DGKB: variants seen among roughly 807,000 people sequenced by gnomAD.
The protein encoded by DGKB is diacylglycerol kinase beta.
A neutral mutation model predicts 114.3 loss-of-function variants in DGKB; 67 were observed. The observed-to-expected ratio is 0.59, with a 90% CI of 0.48 to 0.72. The LOEUF (loss-of-function observed/expected upper bound fraction) is 0.72. Among genes scored for constraint, DGKB ranks in the 30% least tolerant of loss-of-function variants. The probability of loss-of-function intolerance (pLI) is 0.00; values close to 1 mark genes in which losing one functional copy is unlikely to be tolerated. For synonymous variants in DGKB, 398 were observed against 323.1 expected (o/e 1.23, Z -2.49); for missense variants, 907 against 975.2 (o/e 0.93, Z 0.93).
At chr7:14,225,543 A>G (rs1790661377) in intron 23 of DGKB, among the ~76,000 whole-genome samples, 1 of 152,054 alleles carries the variant, frequency 6.6e-6, no homozygotes, top group Non-Finnish European at 1.5e-5. Flanking sequence ...TAAAAAATCT[A>G]GCTACTTGTA....
intron 20 of DGKB, among the ~76,000 whole-genome samples, chr7:14,504,787 T>C (rs1786765294): frequency 6.6e-6 from 1 of 152,200 alleles, no homozygotes; most frequent in South Asian, 2.1e-4. Flanking sequence ...AATATTCTTA[T>C]AGGTATTTTA....
intron 2 of DGKB, among the ~76,000 whole-genome samples, chr7:14,759,986 G>A (rs1361095430): frequency 2.0e-5 from 3 of 152,090 alleles, no homozygotes; most frequent in African/African-American, 4.8e-5. Flanking sequence ...ACTCACATCT[G>A]ATTAGTCATT....
At chr7:14,543,432 G>A (rs558920875) in intron 20 of DGKB, among the ~76,000 whole-genome samples, 1 of 151,638 alleles carries the variant, frequency 6.6e-6, no homozygotes, top group South Asian at 2.1e-4. Flanking sequence ...ACGACAGAGT[G>A]ACACCCCATC....
chr7:14,178,047 A>C lies in DGKB; in HGVS notation c.2227T>G (p.Ser743Ala), dbSNP rs778383789. The C allele has an allele frequency of 6.3e-6, 10 of 1,597,714 alleles. No homozygotes were observed. In the African/African-American group the frequency reaches 1.2e-4, roughly 19 times the overall value. Residue 743 changes from serine to alanine, a missense_variant, in exon 24 of 26, where the codon TCC becomes GCC. By Grantham distance (99) the Ser-to-Ala change is moderately conservative. This residue lies in a region of DGKB where 35 missense variants were observed against 66.0 expected (regional missense o/e 0.53). Coordinates refer to ENST00000402815, the MANE Select transcript of DGKB (RefSeq NM_001350709.2). ...KSAGRRLAQC[S>A]CVVIRTSKSL... ...GGGAACTACCTGATGACCACGCAGG[A>C]GCACTGAGCCAGCCGCCGGCCAGCA...
At chr7:14,730,944 T>A (rs186024517) in intron 5 of DGKB, among the ~76,000 whole-genome samples, 1 of 152,174 alleles carries the variant, frequency 6.6e-6, no homozygotes, top group Admixed American at 6.5e-5. Context: ...AGGCTTCTGT[T>A]TGAAAGAACG....
At chr7:14,677,609 G>A (rs1820090871) in intron 12 of DGKB, among the ~76,000 whole-genome samples, 1 of 151,974 alleles carries the variant, frequency 6.6e-6, no homozygotes, top group African/African-American at 2.4e-5. Context: ...CCATCCTGGT[G>A]AGTCCTGCCT....
chr7:14,367,879 T>C (rs1461004815), intron 21 of DGKB, among the ~76,000 whole-genome samples: 2 of 151,904 alleles, frequency 1.3e-5, no homozygotes, highest in Non-Finnish European at 2.9e-5. Context: ...CAGAACAGCA[T>C]GGGAGAAACC....
chr7:14,357,434 C>T (rs553329107), intron 21 of DGKB, among the ~76,000 whole-genome samples: 76 of 152,144 alleles, frequency 5.0e-4, no homozygotes, highest in African/African-American at 1.7e-3. Flanking sequence ...CTTTACTTTG[C>T]TTTCCATTTG....
intron 20 of DGKB, among the ~76,000 whole-genome samples, chr7:14,565,845 C>A (rs1045081749): frequency 2.0e-5 from 3 of 152,066 alleles, no homozygotes; most frequent in African/African-American, 7.2e-5. Context: ...CATGTGACCA[C>A]CAGAATGATT....
chr7:14,238,631 G>A (rs1442442127), intron 23 of DGKB, among the ~76,000 whole-genome samples: 1 of 151,886 alleles, frequency 6.6e-6, no homozygotes, highest in Non-Finnish European at 1.5e-5. Context: ...AAATGGTACA[G>A]GACAGAGGGT....
chr7:14,746,263 G>A (rs1217658725), intron 4 of DGKB, among the ~76,000 whole-genome samples: 1 of 152,126 alleles, frequency 6.6e-6, no homozygotes, highest in African/African-American at 2.4e-5. Flanking sequence ...GAACCTTGGA[G>A]GCAGAGGTTG....
At chr7:14,931,574 T>C (rs1785021908) in intron 1 of DGKB, among the ~76,000 whole-genome samples, 1 of 152,148 alleles carries the variant, frequency 6.6e-6, no homozygotes, top group Non-Finnish European at 1.5e-5. Flanking sequence ...AAGTGACCAT[T>C]GCTGTGCTGA....
At chr7:14,446,343 C>T (rs1830725145) in intron 21 of DGKB, among the ~76,000 whole-genome samples, 1 of 152,102 alleles carries the variant, frequency 6.6e-6, no homozygotes. Flanking sequence ...TCAAAGCTTC[C>T]TGAGAATTTA....
chr7:14,507,188 A>G (rs1210456661), intron 20 of DGKB, among the ~76,000 whole-genome samples: 1 of 152,132 alleles, frequency 6.6e-6, no homozygotes, highest in Non-Finnish European at 1.5e-5. Flanking sequence ...AACTCAAACA[A>G]CTATATATTA....
intron 1 of DGKB, among the ~76,000 whole-genome samples, chr7:14,910,265 AG>A (rs1783923907): frequency 2.1e-5 from 2 of 96,070 alleles, no homozygotes; most frequent in Non-Finnish European, 4.7e-5. Context: ...AAAGAAAGAA[AG>A]AAAGAAAGAA....
chr7:14,412,771 C>T (rs1490662666), intron 21 of DGKB, among the ~76,000 whole-genome samples: 1 of 151,986 alleles, frequency 6.6e-6, no homozygotes, highest in Non-Finnish European at 1.5e-5. Context: ...CACCTGAGGT[C>T]AGGAGTTCGA....
At chr7:14,220,070 G>A (rs560793057) in intron 23 of DGKB, among the ~76,000 whole-genome samples, 20 of 151,652 alleles carry the variant, frequency 1.3e-4, no homozygotes, top group East Asian at 7.8e-4. Flanking sequence ...TCTACTACAC[G>A]TCTAGGCTAA....
intron 23 of DGKB, among the ~76,000 whole-genome samples, chr7:14,198,225 A>G (rs907151256): frequency 6.6e-6 from 1 of 152,242 alleles, no homozygotes; most frequent in Admixed American, 6.5e-5. Flanking sequence ...GTAAGAAAAA[A>G]TTAGAAAGCA....
intron 21 of DGKB, among the ~76,000 whole-genome samples, chr7:14,371,070 AG>A: frequency 6.6e-6 from 1 of 152,300 alleles, no homozygotes; most frequent in East Asian, 1.9e-4. Context: ...AATCCACCAC[AG>A]ATGGGCACCT....
Sources: gnomAD v4.1 joint callset for allele counts (sites outside exome capture counted in the v4.1 genomes callset) on GRCh38, gnomAD v4.1.1 for gene constraint, gnomAD v4.1.1 regional missense constraint, MANE v1.5 for transcripts, NCBI Gene and HGNC (gene_info 2026-07-23, HGNC 2026-07-21) for gene names.